TAB3: variants seen among roughly 807,000 people sequenced by gnomAD.
The protein encoded by TAB3 is TGF-beta-activated kinase 1 and MAP3K7-binding protein 3.
In TAB3, 18 loss-of-function variants were observed where a neutral mutation model predicts 48.1. That is an observed-to-expected ratio of 0.37 (90% CI 0.26 to 0.55). The LOEUF is 0.55. Ranked by LOEUF, TAB3 falls within the 20% of genes least tolerant of loss-of-function variation. The pLI is 0.78. For missense variants in TAB3, 414 were observed against 549.8 expected (o/e 0.75, Z 2.47); for synonymous variants, 185 against 190.2 (o/e 0.97, Z 0.22).
At chrX:30,831,789 TAAG>T (rs1938039734) in intron 10 of TAB3, among the ~76,000 whole-genome samples, 2 of 112,335 alleles carry the variant, frequency 1.8e-5, no homozygotes, top group South Asian at 3.7e-4. Context: ...TTTTCTGCTA[TAAG>T]AAGATGGATA....
At chrX:30,831,664 C>A in intron 10 of TAB3, 89 bp from the exon 11 acceptor site, 1 of 1,020,031 alleles carries the variant, frequency 9.8e-7, no homozygotes, top group South Asian at 2.7e-5. Context: ...AAAAATACCA[C>A]AAAAATCAAG....
intron 9 of TAB3, among the ~76,000 whole-genome samples, chrX:30,841,422 A>T (rs910655846): frequency 9.0e-6 from 1 of 110,561 alleles, no homozygotes; most frequent in Admixed American, 9.7e-5. Context: ...CTCAAAAAAA[A>T]AAAAGAAATC....
In TAB3 at chrX:30,868,511, T is replaced by G. The variant is rs1939536473; in HGVS notation, c.-279-962A>C. 6.3e-4 allele frequency among the ~76,000 whole-genome samples: 4 copies of G among 6,331 alleles called. No homozygotes were observed. The Admixed American group carries it at 0.011, about 17-fold the overall frequency. The allele number at this position is 6,331 out of a possible 115,157, so 5.5% of individuals were successfully genotyped here. A position where few individuals can be genotyped will look rare whatever the true frequency, so the allele number is the denominator to read the frequency against. ...TATATATATAGCTTATATATATATA[T>G]ATAGCTTATATATATATATATATAG... On this transcript the variant is annotated intron_variant, in intron 2 of 10. Coordinates refer to ENST00000288422, the MANE Select transcript of TAB3 (RefSeq NM_152787.5).
chrX:30,877,531 A>C (rs1939876102), intron 1 of TAB3, among the ~76,000 whole-genome samples: 1 of 112,579 alleles, frequency 8.9e-6, no homozygotes, highest in Non-Finnish European at 1.9e-5. Context: ...AAGGTGCTTT[A>C]ATATTCTTGC....
intron 1 of TAB3, among the ~76,000 whole-genome samples, chrX:30,881,652 G>C (rs1339408852): frequency 9.0e-6 from 1 of 111,145 alleles, no homozygotes; most frequent in African/African-American, 3.3e-5. Context: ...TGATCTTGTA[G>C]GTTTTTGTTA....
intron 8 of TAB3, chrX:30,845,933 C>G: frequency 1.1e-6 from 1 of 948,374 alleles, no homozygotes; most frequent in Non-Finnish European, 1.3e-6. Context: ...ATGGGCCTAC[C>G]AGAATGCAGC....
At position 30,854,928 on chromosome X, in the gene TAB3, T is replaced by G; in HGVS notation, c.737A>C (p.Gln246Pro). The change falls in exon 6 of 11, where the codon CAG (glutamine) becomes CCG (proline). Residue 246 changes from glutamine to proline, a missense_variant. Gln to Pro is a moderately conservative substitution (Grantham distance 76, BLOSUM62 -1). Coordinates refer to ENST00000288422, the MANE Select transcript of TAB3 (RefSeq NM_152787.5). The stretch of plus-strand genomic sequence containing the variant: ...TGGTGAGGACTGCCACGGCGTACTC[T>G]GAGGAGTTTGTCTTCCTGATGAACT... ...SQSSSGRQTP[Q>P]STPWQSSPQG... 1 of 1,209,049 alleles carries G rather than the reference T, an allele frequency of 8.3e-7. No homozygotes were observed. Among genetic ancestry groups the G allele is most frequent in the Non-Finnish European group, 1.1e-6 (1 of 893,902 alleles).
chrX:30,831,548 G>A lies in TAB3; in HGVS notation c.2018C>T (p.Pro673Leu). 8.3e-7 allele frequency: 1 copy of A among 1,211,457 alleles called. No individual in the cohort carries two copies. Among genetic ancestry groups the A allele is most frequent in the Non-Finnish European group, 1.1e-6 (1 of 895,412 alleles). The change falls in exon 11 of 11, where the codon CCT becomes CTT. Residue 673 changes from proline (P) to leucine (L), a missense_variant. Physicochemically the swap from Pro to Leu is moderately conservative, Grantham distance 98. Transcript: ENST00000288422. ...DEHRTGSTQS[P>L]RTQPRDEDYE... ...GTCTTCATCTCGAGGTTGTGTCCGA[G>A]GACTTTGTGTGGAGCCAGTTCGATG...
chrX:30,833,921 C>T, intron 10 of TAB3, 130 bp downstream of exon 10: 1 of 498,206 alleles, frequency 2.0e-6, no homozygotes, highest in Non-Finnish European at 3.3e-6. Context: ...TTCTACTGGA[C>T]AGCACAGCCT....
rs1219725859 is a variant in TAB3 at position 30,830,718 on chromosome X, T to C, written c.*709A>G. 4 of 112,402 alleles carry C rather than the reference T, an allele frequency of 3.6e-5. No homozygotes were observed. The highest frequency in any genetic ancestry group is 5.6e-5 in the Non-Finnish European group (3 of 53,263). 9.3% of individuals were successfully genotyped at this position (112,402 alleles called of 1,213,427 possible). A position where few individuals can be genotyped will look rare whatever the true frequency, so the allele number is the denominator to read the frequency against. On this transcript the variant is annotated 3_prime_UTR_variant, in exon 11 of 11. Coordinates refer to ENST00000288422, the MANE Select transcript of TAB3 (RefSeq NM_152787.5). ...AGTAGGTCTTAGTTACCAGTGTTGA[T>C]AGAGCTCGATGAATCACACTGTACA... is the stretch of plus-strand genomic sequence containing the variant.
intron 2 of TAB3, among the ~76,000 whole-genome samples, chrX:30,868,941 C>CAAA (rs755697088): frequency 1.1e-5 from 1 of 93,550 alleles, no homozygotes; most frequent in African/African-American, 3.9e-5. Context: ...TTTGATTATC[C>CAAA]AAAAAAAAAA....
chrX:30,840,819 A>C (rs983907310), intron 9 of TAB3, among the ~76,000 whole-genome samples: 1 of 111,459 alleles, frequency 9.0e-6, no homozygotes. Flanking sequence ...CGTGTTTTCC[A>C]CCATTTCTAA....
chrX:30,879,809 TAAG>T (rs1351674241), intron 1 of TAB3, among the ~76,000 whole-genome samples: 2 of 111,598 alleles, frequency 1.8e-5, no homozygotes, highest in Non-Finnish European at 3.8e-5. Context: ...TATTTGCAGA[TAAG>T]AAGACTGAAT....
chrX:30,854,932 G>T lies in TAB3; in HGVS notation c.733C>A (p.Pro245Thr). The T allele has an allele frequency of 5.8e-6, 7 of 1,209,334 alleles. No individual in the cohort carries two copies. In the South Asian group the frequency reaches 1.2e-4, roughly 21 times the overall value. Residue 245 changes from proline to threonine, a missense_variant, in exon 6 of 11, where the codon CCT becomes ACT. Transcript: ENST00000288422. ...GAGGACTGCCACGGCGTACTCTGAG[G>T]AGTTTGTCTTCCTGATGAACTCTGA... ...TSQSSSGRQT[P>T]QSTPWQSSPQ...
In TAB3 at chrX:30,828,514, T is replaced by TA. The variant is rs1167599131; in HGVS notation, c.*2912_*2913insT. On this transcript the variant is annotated 3_prime_UTR_variant, in exon 11 of 11. Coordinates refer to ENST00000288422, the MANE Select transcript of TAB3 (RefSeq NM_152787.5). ...CTCTTCCAAACAAAGTCAATATCAA[T>TA]TCAAAACATTTTACAATGCTTAAAA... The TA allele has an allele frequency of 8.9e-6, 1 of 112,877 alleles. No individual in the cohort carries two copies. The highest frequency in any genetic ancestry group is 1.9e-5 in the Non-Finnish European group (1 of 53,410). 9.3% of individuals were successfully genotyped at this position (112,877 alleles called of 1,213,427 possible).
intron 7 of TAB3, among the ~76,000 whole-genome samples, chrX:30,851,970 A>G (rs761941878): frequency 3.6e-5 from 4 of 112,267 alleles, no homozygotes; most frequent in African/African-American, 1.3e-4. Flanking sequence ...AGCACTTACC[A>G]CACTGTATTA....
intron 8 of TAB3, chrX:30,845,335 G>GTTAGATAA (rs1348322867): frequency 2.7e-5 from 3 of 112,187 alleles, no homozygotes; most frequent in Non-Finnish European, 5.6e-5. Context: ...TTTAAAGTTA[G>GTTAGATAA]TTAGATAAAG....
At chrX:30,850,540 G>A (rs1247498164) in intron 7 of TAB3, among the ~76,000 whole-genome samples, 3 of 108,915 alleles carry the variant, frequency 2.8e-5, no homozygotes, top group Non-Finnish European at 3.8e-5. Flanking sequence ...GTGAAACCCC[G>A]TCTCTACTAA....
chrX:30,839,914 TTATA>T (rs56260124), intron 9 of TAB3, among the ~76,000 whole-genome samples: 3,582 of 82,129 alleles, frequency 0.044, 164 homozygotes, highest in African/African-American at 0.12. Context: ...CATATATATA[TTATA>T]TATATATATA....
Sources: gnomAD v4.1 joint callset for allele counts (sites outside exome capture counted in the v4.1 genomes callset) on GRCh38, gnomAD v4.1.1 for gene constraint, MANE v1.5 for transcripts, NCBI Gene and HGNC (gene_info 2026-07-23, HGNC 2026-07-21) for gene names.